Variants in POLR3A observed in about 807,000 individuals in gnomAD.
POLR3A encodes RNA polymerase III subunit A.
In POLR3A, 112 loss-of-function variants were observed where a neutral mutation model predicts 152.8. The ratio of observed to expected loss-of-function variants is 0.73; its 90% CI spans 0.63 to 0.86. The LOEUF is 0.86. POLR3A is among the 40% of genes least tolerant of loss of function. The pLI, the probability that POLR3A is intolerant of heterozygous loss-of-function variation, is 0.00. For synonymous variants in POLR3A, 615 were observed against 652.1 expected, an observed-to-expected ratio of 0.94 and a Z score of 0.87; for missense variants, 1,385 against 1,743.1, an observed-to-expected ratio of 0.79 and a Z score of 3.66.
chr10:77,988,581 CT>C (rs768506292), intron 21 of POLR3A, among the ~76,000 whole-genome samples: 1 of 152,130 alleles, frequency 6.6e-6, no homozygotes, highest in Non-Finnish European at 1.5e-5. Flanking sequence ...CTCCTGATTC[CT>C]TGTTATTAAT....
At chr10:78,001,829 A>T (rs1847360291) in intron 17 of POLR3A, among the ~76,000 whole-genome samples, 1 of 151,532 alleles carries the variant, frequency 6.6e-6, no homozygotes, top group African/African-American at 2.4e-5. Context: ...TTTTTTGTAG[A>T]GATGGGGTTT....
At chr10:77,978,220 G>C (rs1847107463) in intron 30 of POLR3A, among the ~76,000 whole-genome samples, 2 of 152,178 alleles carry the variant, frequency 1.3e-5, no homozygotes, top group African/African-American at 4.8e-5. Flanking sequence ...GGGTGGTGCA[G>C]ATTCTTTCTC....
At position 78,017,579 on chromosome 10, in the gene POLR3A, T is replaced by C; in HGVS notation, c.1427A>G (p.His476Arg). 6.2e-7 allele frequency: 1 copy of C among 1,614,226 alleles called. No individual in the cohort carries two copies. Among genetic ancestry groups the C allele is most frequent in the Non-Finnish European group, 8.5e-7 (1 of 1,180,014 alleles). Residue 476 changes from histidine to arginine, a missense_variant, in exon 10 of 31, where the codon CAT becomes CGT. His to Arg is a conservative substitution (Grantham distance 29). This residue lies in a region of POLR3A where 493 missense variants were observed against 647.5 expected (regional missense o/e 0.76). Transcript: ENST00000372371. ...PSLHKLSIMAHLARVKPHRTF... is the reference protein window; with the variant it reads ...PSLHKLSIMARLARVKPHRTF... Reference sequence around the variant, plus strand: ...TTAAAAAGCAGTGCTACTCACCAGATGAGCCATAATGCTCAATTTGTGCAG... The same window carrying C: ...TTAAAAAGCAGTGCTACTCACCAGACGAGCCATAATGCTCAATTTGTGCAG...
At chr10:77,980,484 G>A (rs575604533) in intron 29 of POLR3A, among the ~76,000 whole-genome samples, 1 of 152,012 alleles carries the variant, frequency 6.6e-6, no homozygotes, top group Non-Finnish European at 1.5e-5. Context: ...GCATCCAGAC[G>A]CCATCAGAAC....
intron 5 of POLR3A, among the ~76,000 whole-genome samples, chr10:78,023,820 T>TA (rs202096578): frequency 4.7e-4 from 70 of 148,672 alleles, no homozygotes; most frequent in Non-Finnish European, 8.8e-4. Flanking sequence ...AAAATAATAA[T>TA]AAAAAAAAAG....
At chr10:77,990,965 C>A in intron 21 of POLR3A, 89 bp downstream of exon 21, 1 of 757,544 alleles carries the variant, frequency 1.3e-6, no homozygotes, top group Non-Finnish European at 2.3e-6. Context: ...AAACAACCAG[C>A]TTATAAAATC....
chr10:77,977,856 G>A (rs1294652681), intron 30 of POLR3A, among the ~76,000 whole-genome samples: 2 of 152,222 alleles, frequency 1.3e-5, no homozygotes, highest in East Asian at 3.9e-4. Context: ...TCACAGCCCA[G>A]GAGCTTGTTG....
Position 78,002,813 on chromosome 10 carries a change from C to T in POLR3A, c.2248-505G>A, listed in dbSNP as rs1442414178. Among the ~76,000 whole-genome samples, 3 of 152,146 alleles carry T rather than the reference C, an allele frequency of 2.0e-5. No homozygotes were observed. In the South Asian group the frequency reaches 6.2e-4, roughly 32 times the overall value. ...TTGATTATAGGCATAAGCCACCAAG[C>T]CTGGCCTAAAATTGACAGTAATAAA... On this transcript the variant is annotated intron_variant, in intron 16 of 30. Coordinates refer to ENST00000372371, the MANE Select transcript of POLR3A (RefSeq NM_007055.4).
chr10:78,010,654 C>T (rs771140343), intron 11 of POLR3A, 114 bp from the exon 12 acceptor site: 19 of 788,040 alleles, frequency 2.4e-5, no homozygotes, highest in East Asian at 1.8e-4. Flanking sequence ...AGCAGAAGGA[C>T]GAGGCTGAGA....
chr10:78,004,782 G>T lies in POLR3A; in HGVS notation c.2181C>A (p.Tyr727Ter). Residue 727 changes from tyrosine to a stop codon, truncating the protein, a stop_gained, in exon 16 of 31, where the codon TAC becomes TAA. Coordinates refer to ENST00000372371, the MANE Select transcript of POLR3A (RefSeq NM_007055.4). LOFTEE classifies it high-confidence loss of function. ...GCTTGCCCGTGTTCAGGGCTTCGAT[G>T]TACTCATCACATTTCTTGTAGCCGG... The part of the protein sequence containing the change: ...LNAGYKKCDE[Y>*]IEALNTGKLQ... 6.8e-6 allele frequency: 11 copies of T among 1,613,938 alleles called. No individual in the cohort carries two copies. Among genetic ancestry groups the T allele is most frequent in the Non-Finnish European group, 9.3e-6 (11 of 1,179,840 alleles).
intron 26 of POLR3A, among the ~76,000 whole-genome samples, chr10:77,983,196 G>A (rs916359136): frequency 2.6e-5 from 4 of 152,142 alleles, no homozygotes; most frequent in Non-Finnish European, 4.4e-5. Flanking sequence ...CATGTGCTAC[G>A]TTCCTGGATA....
At position 78,000,199 on chromosome 10, in the gene POLR3A, T is replaced by C. The variant is rs371275815; in HGVS notation, c.2479-81A>G. ...TCTGAAATCCACTCAAATCAGAAAATGCCCCACCTTGAGACTATAAATACC... is the reference window on the plus strand; with the variant it reads ...TCTGAAATCCACTCAAATCAGAAAACGCCCCACCTTGAGACTATAAATACC... On this transcript the variant is annotated intron_variant, in intron 18 of 30. Coordinates refer to ENST00000372371, the MANE Select transcript of POLR3A (RefSeq NM_007055.4). 9.4e-5 allele frequency: 118 copies of C among 1,249,748 alleles called. 2 individuals carry two copies. Among genetic ancestry groups the C allele is most frequent in the East Asian group, 4.7e-4 (19 of 40,522 alleles). The allele number at this position is 1,249,748 out of a possible 1,614,324, so 77.4% of individuals were successfully genotyped here.
intron 2 of POLR3A, 104 bp from the exon 3 acceptor site, chr10:78,025,863 T>G: frequency 5.7e-6 from 7 of 1,237,944 alleles, no homozygotes; most frequent in Non-Finnish European, 7.1e-6. Context: ...CTTTTGCTTC[T>G]TAAATTTCCT....
chr10:77,982,215 C>T lies in POLR3A; in HGVS notation c.3698G>A (p.Arg1233Gln), dbSNP rs769323808. ...YKLLVEGDNL[R>Q]AVMATHGVKG... is the part of the protein sequence containing the mutation. ...CACACCGTGTGTGGCCATGACTGCC[C>T]GCAGGTTATCACCTTCCACCAGAAG... Residue 1233 changes from arginine (R) to glutamine (Q), a missense_variant, in exon 28 of 31, where the codon CGG becomes CAG. Arg to Gln is a conservative substitution (Grantham distance 43). Around this residue, in one of 7 missense-constraint regions of POLR3A, gnomAD observed 332 missense variants for 400.1 expected, o/e 0.83. Transcript: ENST00000372371. 1.7e-4 allele frequency: 275 copies of T among 1,613,892 alleles called. No homozygotes were observed. Among genetic ancestry groups the T allele is most frequent in the Non-Finnish European group, 2.1e-4 (246 of 1,180,010 alleles).
chr10:78,029,243 T>C (rs968455016), intron 1 of POLR3A, 121 bp downstream of exon 1: 7 of 990,300 alleles, frequency 7.1e-6, no homozygotes, highest in African/African-American at 1.6e-5. Flanking sequence ...GTCACACCTA[T>C]GGACTACTGG....
chr10:77,992,275 CT>C (rs879321306), intron 20 of POLR3A, among the ~76,000 whole-genome samples: 642 of 140,944 alleles, frequency 4.6e-3, no homozygotes, highest in East Asian at 8.0e-3. Context: ...TTTTTTTCAT[CT>C]TTTTTTTTTT....
At chr10:77,998,200 A>C (rs1178571747) in intron 19 of POLR3A, among the ~76,000 whole-genome samples, 10 of 151,676 alleles carry the variant, frequency 6.6e-5, no homozygotes, top group East Asian at 1.9e-4. Flanking sequence ...CATAAAAACC[A>C]TAGAAGAAAA....
intron 26 of POLR3A, among the ~76,000 whole-genome samples, chr10:77,983,595 A>C (rs931325040): frequency 1.3e-5 from 2 of 152,184 alleles, no homozygotes; most frequent in Non-Finnish European, 2.9e-5. Context: ...CAGATGAGTA[A>C]GACACAGCCA....
intron 16 of POLR3A, among the ~76,000 whole-genome samples, chr10:78,003,558 G>C (rs1316291763): frequency 6.6e-6 from 1 of 152,152 alleles, no homozygotes; most frequent in African/African-American, 2.4e-5. Flanking sequence ...CAGCAGGCTG[G>C]GGATGTGACT....
Sources: gnomAD v4.1 joint callset for allele counts (sites outside exome capture counted in the v4.1 genomes callset) on GRCh38, gnomAD v4.1.1 for gene constraint, gnomAD v4.1.1 regional missense constraint, MANE v1.5 for transcripts, NCBI Gene and HGNC (gene_info 2026-07-23, HGNC 2026-07-21) for gene names.